Variants in PCDHA8 observed in about 807,000 individuals in gnomAD.
PCDHA8 encodes the protein protocadherin alpha 8.
PCDHA8 carries 53 observed loss-of-function variants against 61.8 expected under a neutral mutation model. The observed-to-expected ratio is 0.86, with a 90% CI of 0.69 to 1.08. The LOEUF is 1.08. Among genes scored for constraint, PCDHA8 ranks in the 50% least tolerant of loss-of-function variants. The probability of loss-of-function intolerance (pLI) is 0.00; values close to 1 mark genes in which losing one functional copy is unlikely to be tolerated. For missense variants in PCDHA8, 1,293 were observed against 1,245.0 expected (o/e 1.04, Z -0.58); for synonymous variants, 618 against 556.6 (o/e 1.11, Z -1.55).
In PCDHA8 at chr5:140,877,126, C is replaced by G. The variant is rs781947378; in HGVS notation, c.2394+33411C>G. 10 of 1,613,632 alleles carry G rather than the reference C, an allele frequency of 6.2e-6. No homozygotes were observed. The African/African-American group carries it at 1.3e-4, about 22-fold the overall frequency. On this transcript the variant is annotated intron_variant, in intron 1 of 3. Transcript: ENST00000531613. ...GCCTCTGGGCAGCAACGTGACGCTG[C>G]AGGTGTTCGTGCTGGACGAGAACGA... is the stretch of plus-strand genomic sequence containing the variant.
At position 140,842,744 on chromosome 5, in the gene PCDHA8, T is replaced by C; in HGVS notation, c.1423T>C (p.Phe475Leu). 1 of 1,595,066 alleles carries C rather than the reference T, an allele frequency of 6.3e-7. No individual in the cohort carries two copies. Among genetic ancestry groups the C allele is most frequent in the East Asian group, 2.2e-5 (1 of 44,824 alleles). The change falls in exon 1 of 4, where the codon TTC (phenylalanine) becomes CTC (leucine). Residue 475 changes from phenylalanine (F) to leucine (L), a missense_variant. Phe to Leu is a conservative substitution (Grantham distance 22). Transcript: ENST00000531613. ...GAACAACCCGCCGGGCTGCCACATC[T>C]TCACGGTGTCTGCGCGAGACGCGGA... ...KENNPPGCHI[F>L]TVSARDADAQ...
In PCDHA8 at chr5:140,966,446, C is replaced by T. The variant is rs2096003680; in HGVS notation, c.2395-12503C>T. Reference sequence around the variant, plus strand: ...CTGAGCCCTCCTACCGCTCCCTTTCCCCCTCCCCCTCTGTCTTCCCTTCTG... The same window carrying T: ...CTGAGCCCTCCTACCGCTCCCTTTCTCCCTCCCCCTCTGTCTTCCCTTCTG... On this transcript the variant is annotated intron_variant, in intron 1 of 3. Transcript: ENST00000531613. 7 of 424,490 alleles carry T rather than the reference C, an allele frequency of 1.6e-5. No homozygotes were observed. The East Asian group carries it at 2.5e-4, about 15-fold the overall frequency. 26.3% of individuals were successfully genotyped at this position (424,490 alleles called of 1,614,324 possible).
chr5:140,844,840 G>A lies in PCDHA8; in HGVS notation c.2394+1125G>A, dbSNP rs2150374183. 8.0e-5 allele frequency among the ~76,000 whole-genome samples: 12 copies of A among 149,088 alleles called. No homozygotes were observed. In the East Asian group the frequency reaches 1.9e-3, roughly 24 times the overall value. On this transcript the variant is annotated intron_variant, in intron 1 of 3. Transcript: ENST00000531613. ...TTGTCTTTTTACACGTTTGCTTCTT[G>A]TGACTGTTGGACCTGCCTGGATATT...
rs1777101106 is a variant in PCDHA8 at position 140,841,225 on chromosome 5, C to T, written c.-97C>T. 1 of 1,448,206 alleles carries T rather than the reference C, an allele frequency of 6.9e-7. No individual in the cohort carries two copies. Among genetic ancestry groups the T allele is most frequent in the Non-Finnish European group, 9.3e-7 (1 of 1,074,532 alleles). 89.7% of individuals were successfully genotyped at this position (1,448,206 alleles called of 1,614,324 possible). ...GCATCTGTCTCTAAAGGCCGAACAA[C>T]GGGAGATGCAGCGGAATTGGATTAA... On this transcript the variant is annotated 5_prime_UTR_variant, in exon 1 of 4. It adds an upstream start codon to the 5' untranslated region. Transcript: ENST00000531613.
At chr5:140,862,971 A>T (rs1581664688) in intron 1 of PCDHA8, 1 of 544,766 alleles carries the variant, frequency 1.8e-6, no homozygotes, top group Non-Finnish European at 3.6e-6. Context: ...GATGCAGGCC[A>T]CTTGGTGGCG....
rs1360420045 is a variant in PCDHA8, at chr5:140,842,170, C to T, written c.849C>T (p.Ser283=). The change falls in exon 1 of 4, where the codon AGC becomes AGT. Residue 283 remains serine, a synonymous_variant. Coordinates refer to ENST00000531613, the MANE Select transcript of PCDHA8 (RefSeq NM_018911.3). ...ANGAISYSFN[S]LVETMVIDHF... ...GGGCAATTTCATATTCTTTTAATAG[C>T]CTTGTTGAAACTATGGTTATTGACC... 1.2e-6 allele frequency: 2 copies of T among 1,613,662 alleles called. No individual in the cohort carries two copies. The highest frequency in any genetic ancestry group is 2.7e-5 in the African/African-American group (2 of 74,828).
Position 141,012,283 on chromosome 5 carries a change from AT to A in PCDHA8, c.*2350del, listed in dbSNP as rs1313163740. 6.5e-6 allele frequency: 1 copy of A among 153,798 alleles called. No homozygotes were observed. Among genetic ancestry groups the A allele is most frequent in the Non-Finnish European group, 1.5e-5 (1 of 68,046 alleles). The allele number at this position is 153,798 out of a possible 1,614,324, so 9.5% of individuals were successfully genotyped here. ...AGGATAAAACACGTCATGTGGATTC[AT>A]TTTGAATTGGTGCTATTGGTATTTC... On this transcript the variant is annotated 3_prime_UTR_variant, in exon 4 of 4. Coordinates refer to ENST00000531613, the MANE Select transcript of PCDHA8 (RefSeq NM_018911.3).
chr5:140,940,195 T>C (rs2092570084), intron 1 of PCDHA8, among the ~76,000 whole-genome samples: 1 of 152,220 alleles, frequency 6.6e-6, no homozygotes, highest in African/African-American at 2.4e-5. Flanking sequence ...TTTACATGGG[T>C]GTAAAATTCA....
intron 1 of PCDHA8, among the ~76,000 whole-genome samples, chr5:140,941,026 C>T (rs1330663914): frequency 6.6e-6 from 1 of 152,066 alleles, no homozygotes; most frequent in Admixed American, 6.5e-5. Flanking sequence ...TTCCTTCTGG[C>T]CTTTTTGGTG....
rs1246166621 is a variant in PCDHA8 at position 140,856,524 on chromosome 5, C to A, written c.2394+12809C>A. On this transcript the variant is annotated intron_variant, in intron 1 of 3. Coordinates refer to ENST00000531613, the MANE Select transcript of PCDHA8 (RefSeq NM_018911.3). ...TTTCCACTAGAAGGCGCATCTGATG[C>A]GGATGTTGGAGAGAACGCATTGCTT... The A allele has an allele frequency of 7.5e-6, 12 of 1,598,178 alleles. 1 individual carries two copies. The Middle Eastern group carries it at 1.2e-3, about 155-fold the overall frequency.
intron 1 of PCDHA8, among the ~76,000 whole-genome samples, chr5:140,942,542 G>C (rs1023135030): frequency 6.6e-5 from 10 of 152,046 alleles, no homozygotes; most frequent in African/African-American, 2.4e-4. Flanking sequence ...AGTATGGTGG[G>C]GGGTAGGGGG....
At chr5:140,926,942 C>CT in intron 1 of PCDHA8, 1 of 1,585,854 alleles carries the variant, frequency 6.3e-7, no homozygotes, top group Non-Finnish European at 8.6e-7. Flanking sequence ...TCCTGCGGCG[C>CT]TGCAGCGGGA....
chr5:140,853,659 A>T (rs1216918086), intron 1 of PCDHA8: 1 of 988,622 alleles, frequency 1.0e-6, no homozygotes, highest in African/African-American at 1.8e-5. Context: ...TGTTCCAGAC[A>T]AATTGGGGCC....
chr5:140,866,472 CT>C (rs2049389020), intron 1 of PCDHA8: 2 of 152,112 alleles, frequency 1.3e-5, no homozygotes, highest in Non-Finnish European at 2.9e-5. Flanking sequence ...CTCATAACAA[CT>C]GACAAATGAT....
At chr5:140,851,813 A>G in intron 1 of PCDHA8, 1 of 954,990 alleles carries the variant, frequency 1.0e-6, no homozygotes, top group Non-Finnish European at 1.3e-6. Flanking sequence ...AATCCATAAG[A>G]CAGAAATCTG....
intron 1 of PCDHA8, chr5:140,849,066 C>A (rs2040764051): frequency 6.5e-7 from 1 of 1,540,002 alleles, no homozygotes; most frequent in Non-Finnish European, 8.8e-7. Flanking sequence ...GCAGGTAAAA[C>A]CTCTTGGACT....
rs2098420479 is a variant in PCDHA8, at chr5:141,011,408, T to TAC, written c.*1472_*1473insCA. 6.5e-6 allele frequency: 1 copy of TAC among 153,814 alleles called. No individual in the cohort carries two copies. The highest frequency in any genetic ancestry group is 2.4e-5 in the African/African-American group (1 of 41,476). 9.5% of individuals were successfully genotyped at this position (153,814 alleles called of 1,614,324 possible). ...GAAATATACTTACTCTGTGCTTGTG[T>TAC]ATGTGAATGTTAATGCAACTATTAC... On this transcript the variant is annotated 3_prime_UTR_variant, in exon 4 of 4. Coordinates refer to ENST00000531613, the MANE Select transcript of PCDHA8 (RefSeq NM_018911.3).
At chr5:140,924,416 T>G (rs1283567998) in intron 1 of PCDHA8, among the ~76,000 whole-genome samples, 1 of 152,192 alleles carries the variant, frequency 6.6e-6, no homozygotes, top group African/African-American at 2.4e-5. Context: ...CAGTGTGCCC[T>G]TTCTAGTTCC....
At chr5:140,958,888 A>G (rs1563299951) in intron 1 of PCDHA8, among the ~76,000 whole-genome samples, 3 of 152,040 alleles carry the variant, frequency 2.0e-5, no homozygotes, top group African/African-American at 7.2e-5. Flanking sequence ...ACCAGTAGCT[A>G]TATAATAGAT....
Sources: allele counts gnomAD v4.1 joint callset (sites outside exome capture counted in the v4.1 genomes callset), GRCh38; gene constraint gnomAD v4.1.1; transcripts MANE v1.5; gene names NCBI Gene and HGNC (gene_info 2026-07-23, HGNC 2026-07-21).